The following ATP12A variants were observed in gnomAD, a reference collection of about 807,000 sequenced individuals.
ATP12A encodes the protein potassium-transporting ATPase alpha chain 2.
A neutral mutation model predicts 111.2 loss-of-function variants in ATP12A; 81 were observed. That is an observed-to-expected ratio of 0.73 (90% CI 0.61 to 0.88). The LOEUF (loss-of-function observed/expected upper bound fraction) is 0.88. ATP12A is among the 40% of genes least tolerant of loss of function. The pLI is 0.00. For missense variants in ATP12A, 1,196 were observed against 1,313.1 expected, an observed-to-expected ratio of 0.91 and a Z score of 1.38; for synonymous variants, 498 against 499.8, an observed-to-expected ratio of 1.00 and a Z score of 0.05.
intron 11 of ATP12A, among the ~76,000 whole-genome samples, chr13:24,695,017 T>A (rs2137702997): frequency 6.6e-6 from 1 of 152,322 alleles, no homozygotes; most frequent in Middle Eastern, 3.4e-3. Context: ...GCCCTCGACC[T>A]ACGTGGCCTT....
At chr13:24,701,064 C>A in intron 13 of ATP12A, 142 bp downstream of exon 13, 1 of 1,012,734 alleles carries the variant, frequency 9.9e-7, no homozygotes, top group Non-Finnish European at 1.4e-6. Context: ...TTTCACTGTG[C>A]TAAGGTTACT....
chr13:24,694,399 T>G, intron 10 of ATP12A, 45 bp from the exon 11 acceptor site: 1 of 1,609,502 alleles, frequency 6.2e-7, no homozygotes, highest in Non-Finnish European at 8.5e-7. Flanking sequence ...GGCATGTTGG[T>G]TCATTAAATA....
chr13:24,709,031 G>A (rs1405953137), intron 17 of ATP12A, among the ~76,000 whole-genome samples: 1 of 152,066 alleles, frequency 6.6e-6, no homozygotes, highest in Non-Finnish European at 1.5e-5. Flanking sequence ...TGGGAAGTCT[G>A]GAGGTGGGGC....
intron 1 of ATP12A, among the ~76,000 whole-genome samples, 184 bp downstream of exon 1, chr13:24,680,936 A>T (rs1234768191): frequency 6.6e-6 from 1 of 152,178 alleles, no homozygotes; most frequent in Non-Finnish European, 1.5e-5. Flanking sequence ...ACTCCCCGCC[A>T]CGGCTCCGTG....
Position 24,680,558 on chromosome 13 carries a change from C to A in ATP12A, c.-186C>A, listed in dbSNP as rs150034268. On this transcript the variant is annotated 5_prime_UTR_variant, in exon 1 of 23. Transcript: ENST00000381946. The stretch of plus-strand genomic sequence containing the variant: ...GCATTTAAGGCTGGTGCCACCTCCC[C>A]GGTGCAGCGGCTGGCGATCGGCCGC... The A allele has an allele frequency of 0.012, 6,787 of 574,994 alleles. 363 individuals carry two copies. Among genetic ancestry groups the A allele is most frequent in the African/African-American group, 0.12 (5,861 of 50,474 alleles). 35.6% of individuals were successfully genotyped at this position (574,994 alleles called of 1,614,324 possible).
rs1874632593 is a variant in ATP12A, at chr13:24,685,423, G to A, written c.228+50G>A. 1 of 1,585,260 alleles carries A rather than the reference G, an allele frequency of 6.3e-7. No individual in the cohort carries two copies. Among genetic ancestry groups the A allele is most frequent in the African/African-American group, 1.3e-5 (1 of 74,412 alleles). On this transcript the variant is annotated intron_variant, in intron 3 of 22. Transcript: ENST00000381946. The surrounding 1 kb of genome is among the most constrained non-coding windows in gnomAD (Gnocchi z 5.5). ...GGAAGAGAAGCCTCCCAACTCTACAGAGGGAAGGCTGTGTGTGGCGGGGGG... is the reference window on the plus strand; with the variant it reads ...GGAAGAGAAGCCTCCCAACTCTACAAAGGGAAGGCTGTGTGTGGCGGGGGG...
At chr13:24,696,753 G>A (rs1173147228) in intron 11 of ATP12A, among the ~76,000 whole-genome samples, 1 of 96,002 alleles carries the variant, frequency 1.0e-5, no homozygotes, top group Non-Finnish European at 2.1e-5. Context: ...AAAAGAAAGG[G>A]GAGAGGGGCT....
At chr13:24,681,802 C>G (rs568155166) in intron 2 of ATP12A, 82 bp downstream of exon 2, 3 of 1,530,526 alleles carry the variant, frequency 2.0e-6, no homozygotes, top group South Asian at 2.4e-5. Context: ...CCTCTTACCA[C>G]AGACATTCAG....
At chr13:24,710,637 G>T in intron 20 of ATP12A, 44 bp downstream of exon 20, 1 of 1,612,552 alleles carries the variant, frequency 6.2e-7, no homozygotes, top group Non-Finnish European at 8.5e-7. Flanking sequence ...TGGGCCTGCC[G>T]TGCAAGGATG....
chr13:24,685,204 C>A lies in ATP12A; in HGVS notation c.169-110C>A. 1 of 1,006,174 alleles carries A rather than the reference C, an allele frequency of 9.9e-7. No individual in the cohort carries two copies. 62.3% of individuals were successfully genotyped at this position (1,006,174 alleles called of 1,614,324 possible). A position where few individuals can be genotyped will look rare whatever the true frequency, so the allele number is the denominator to read the frequency against. ...TCCTGTCCCCCACACTCCTCGATCCCCTCCCATCCTCAGGGCTGCTACTCC... is the reference window on the plus strand; with the variant it reads ...TCCTGTCCCCCACACTCCTCGATCCACTCCCATCCTCAGGGCTGCTACTCC... On this transcript the variant is annotated intron_variant, in intron 2 of 22. Coordinates refer to ENST00000381946, the MANE Select transcript of ATP12A (RefSeq NM_001676.7). The surrounding 1 kb of genome is among the most constrained non-coding windows in gnomAD (Gnocchi z 5.5).
At chr13:24,698,387 A>C (rs1210593729) in intron 11 of ATP12A, among the ~76,000 whole-genome samples, 1 of 152,072 alleles carries the variant, frequency 6.6e-6, no homozygotes, top group Admixed American at 6.5e-5. Context: ...TTCAAGGCAC[A>C]AGATTTCACA....
intron 8 of ATP12A, among the ~76,000 whole-genome samples, chr13:24,691,689 G>A (rs1246984790): frequency 6.6e-6 from 1 of 151,946 alleles, no homozygotes; most frequent in Non-Finnish European, 1.5e-5. Flanking sequence ...GCCCTTTCCT[G>A]GCCAACCCCA....
intron 8 of ATP12A, among the ~76,000 whole-genome samples, chr13:24,692,110 C>T (rs188848069): frequency 2.0e-5 from 3 of 152,274 alleles, no homozygotes; most frequent in African/African-American, 7.2e-5. Flanking sequence ...TCACAGGAGG[C>T]GTCGTGATTG....
At position 24,700,866 on chromosome 13, in the gene ATP12A, C is replaced by T. The variant is rs746041798; in HGVS notation, c.1825C>T (p.Pro609Ser). Reference protein sequence around the residue: ...CFVGLLSMIDPPRSTVPDAVT... With the variant: ...CFVGLLSMIDSPRSTVPDAVT... ...TGTGGGACTCTTGTCAATGATCGAT[C>T]CCCCTCGGTCCACCGTGCCAGATGC... The change falls in exon 13 of 23, where the codon CCC (proline) becomes TCC (serine). Residue 609 changes from proline (P) to serine (S), a missense_variant. This residue lies in a region of ATP12A where 1,126 missense variants were observed against 1,228.5 expected (regional missense o/e 0.92). Coordinates refer to ENST00000381946, the MANE Select transcript of ATP12A (RefSeq NM_001676.7). 6.2e-7 allele frequency: 1 copy of T among 1,614,152 alleles called. No homozygotes were observed. Among genetic ancestry groups the T allele is most frequent in the East Asian group, 2.2e-5 (1 of 44,880 alleles).
intron 17 of ATP12A, among the ~76,000 whole-genome samples, chr13:24,708,964 G>GGAA (rs1566078418): frequency 1.3e-4 from 15 of 114,798 alleles, no homozygotes; most frequent in Admixed American, 7.9e-4. Context: ...AAAGAAAGAA[G>GGAA]GAAAGAGAAA....
At position 24,707,369 on chromosome 13, in the gene ATP12A, T is replaced by C; in HGVS notation, c.2429T>C (p.Ile810Thr). 6.2e-7 allele frequency: 1 copy of C among 1,614,232 alleles called. No homozygotes were observed. Among genetic ancestry groups the C allele is most frequent in the Non-Finnish European group, 8.5e-7 (1 of 1,180,040 alleles). Residue 810 changes from isoleucine to threonine, a missense_variant, in exon 17 of 23, where the codon ATT (isoleucine) becomes ACT (threonine). This residue lies in a region of ATP12A where 1,126 missense variants were observed against 1,228.5 expected (regional missense o/e 0.92). Transcript: ENST00000381946. ...CTGTGCCCCTTTCTGATCTACATCA[T>C]TGTCGGGCTCCCCCTGCCCATTGGC... The part of the protein sequence containing the change: ...AELCPFLIYI[I>T]VGLPLPIGTI...
At chr13:24,700,313 CT>C (rs1326830924) in intron 12 of ATP12A, among the ~76,000 whole-genome samples, 3 of 152,162 alleles carry the variant, frequency 2.0e-5, no homozygotes, top group East Asian at 3.9e-4. Context: ...TCCACCCTCC[CT>C]TTTTTCCCTA....
chr13:24,687,348 C>T (rs1297777561), intron 3 of ATP12A, among the ~76,000 whole-genome samples: 2 of 152,028 alleles, frequency 1.3e-5, no homozygotes, highest in Non-Finnish European at 2.9e-5. Flanking sequence ...CCTGTAATCC[C>T]AGCTATTTGG....
Position 24,711,307 on chromosome 13 carries a change from T to G in ATP12A, c.3000-11T>G. Reference sequence around the variant, plus strand: ...TGAGTCAGGGTTCACTTTCCATCCCTTTGCTTCCAGGGCTCAGTACTGGTT... The same window carrying G: ...TGAGTCAGGGTTCACTTTCCATCCCGTTGCTTCCAGGGCTCAGTACTGGTT... On this transcript the variant is annotated splice_polypyrimidine_tract_variant and intron_variant, in intron 21 of 22. Coordinates refer to ENST00000381946, the MANE Select transcript of ATP12A (RefSeq NM_001676.7). 3 of 1,588,334 alleles carry G rather than the reference T, an allele frequency of 1.9e-6. No homozygotes were observed. Among genetic ancestry groups the G allele is most frequent in the Non-Finnish European group, 2.6e-6 (3 of 1,165,706 alleles).
Sources: allele counts gnomAD v4.1 joint callset (sites outside exome capture counted in the v4.1 genomes callset), GRCh38; gene constraint gnomAD v4.1.1; regional missense constraint gnomAD v4.1.1; non-coding constraint Gnocchi (gnomAD v3.1); transcripts MANE v1.5; gene names NCBI Gene and HGNC (gene_info 2026-07-23, HGNC 2026-07-21).